CACNA2D3: variants seen among roughly 807,000 people sequenced by gnomAD.
The protein encoded by CACNA2D3 is voltage-dependent calcium channel subunit alpha-2/delta-3.
In CACNA2D3, 60 loss-of-function variants were observed where a neutral mutation model predicts 160.6. The observed-to-expected ratio is 0.37, with a 90% CI of 0.30 to 0.46. The LOEUF (loss-of-function observed/expected upper bound fraction) is 0.46, where lower values mean the gene tolerates loss of function less well. Among genes scored for constraint, CACNA2D3 ranks in the 20% least tolerant of loss-of-function variants. The pLI is 1.00. For synonymous variants in CACNA2D3, 558 were observed against 492.9 expected (o/e 1.13, Z -1.75); for missense variants, 1,205 against 1,365.0 (o/e 0.88, Z 1.85).
intron 2 of CACNA2D3, among the ~76,000 whole-genome samples, chr3:54,260,935 C>T (rs954270573): frequency 6.6e-6 from 1 of 152,186 alleles, no homozygotes; most frequent in African/African-American, 2.4e-5. Context: ...CTCATTTCCT[C>T]CAGTTCAGCT....
At chr3:54,626,423 A>G (rs1699104384) in intron 9 of CACNA2D3, 7 of 1,585,038 alleles carry the variant, frequency 4.4e-6, no homozygotes, top group African/African-American at 2.7e-5. Context: ...CTGCCCATGG[A>G]GAAGCCGGAA....
At chr3:54,859,865 G>A (rs1213335385) in intron 17 of CACNA2D3, among the ~76,000 whole-genome samples, 1 of 151,954 alleles carries the variant, frequency 6.6e-6, no homozygotes, top group Non-Finnish European at 1.5e-5. Flanking sequence ...TGAATCCAAT[G>A]ACTATAATAC....
chr3:54,660,174 T>C (rs1477100761), intron 11 of CACNA2D3, among the ~76,000 whole-genome samples: 4 of 151,556 alleles, frequency 2.6e-5, no homozygotes, highest in Admixed American at 2.0e-4. Context: ...TTTTTTTTTA[T>C]TTTTGAGACA....
intron 13 of CACNA2D3, among the ~76,000 whole-genome samples, chr3:54,811,532 C>G (rs959486538): frequency 7.6e-6 from 1 of 130,798 alleles, no homozygotes; most frequent in Admixed American, 9.1e-5. Flanking sequence ...GCATCTCACT[C>G]TGTCACCCAG....
At chr3:54,133,495 C>G (rs1559857405) in intron 2 of CACNA2D3, among the ~76,000 whole-genome samples, 1 of 152,162 alleles carries the variant, frequency 6.6e-6, no homozygotes, top group Non-Finnish European at 1.5e-5. Context: ...GTGGTATTGG[C>G]TCATCAGAGC....
chr3:54,988,665 C>T (rs1294245396), intron 31 of CACNA2D3, among the ~76,000 whole-genome samples: 2 of 152,346 alleles, frequency 1.3e-5, no homozygotes, highest in Non-Finnish European at 2.9e-5. Context: ...TACTCTTCTG[C>T]GGCTGAATGG....
chr3:55,051,395 G>A (rs1198550395), intron 35 of CACNA2D3, among the ~76,000 whole-genome samples: 1 of 151,092 alleles, frequency 6.6e-6, no homozygotes, highest in Middle Eastern at 3.4e-3. Flanking sequence ...TGCTGGGGGG[G>A]TGCCTCCCAG....
At chr3:54,695,311 C>T (rs1473034768) in intron 11 of CACNA2D3, among the ~76,000 whole-genome samples, 1 of 152,108 alleles carries the variant, frequency 6.6e-6, no homozygotes, top group African/African-American at 2.4e-5. Context: ...AGCCACCACA[C>T]CTGGCTGAAA....
At chr3:54,898,404 G>GTA (rs1700249681) in intron 26 of CACNA2D3, among the ~76,000 whole-genome samples, 1 of 151,902 alleles carries the variant, frequency 6.6e-6, no homozygotes, top group South Asian at 2.1e-4. Context: ...TGTATTTTTA[G>GTA]TAGAGTTGGG....
chr3:54,469,847 T>C (rs1421348571), intron 4 of CACNA2D3, among the ~76,000 whole-genome samples: 1 of 151,854 alleles, frequency 6.6e-6, no homozygotes, highest in Non-Finnish European at 1.5e-5. Context: ...GAAGATCAAC[T>C]TAATGAGATA....
intron 3 of CACNA2D3, among the ~76,000 whole-genome samples, chr3:54,337,653 A>G (rs574595899): frequency 3.3e-5 from 5 of 152,060 alleles, no homozygotes; most frequent in Non-Finnish European, 7.4e-5. Context: ...ACTTGATTTC[A>G]TGCCTCTAAA....
intron 34 of CACNA2D3, among the ~76,000 whole-genome samples, chr3:55,010,539 CAT>C (rs1326994739): frequency 1.3e-5 from 2 of 152,210 alleles, no homozygotes; most frequent in Non-Finnish European, 2.9e-5. Context: ...CCTGCCCACT[CAT>C]GTGCTATTTC....
At chr3:54,900,212 A>G (rs1278005441) in intron 27 of CACNA2D3, among the ~76,000 whole-genome samples, 1 of 152,214 alleles carries the variant, frequency 6.6e-6, no homozygotes, top group African/African-American at 2.4e-5. Flanking sequence ...TTAGGATGAC[A>G]GTGGGCATAC....
chr3:54,435,272 G>A (rs549277495), intron 4 of CACNA2D3, among the ~76,000 whole-genome samples: 27 of 152,232 alleles, frequency 1.8e-4, no homozygotes, highest in African/African-American at 6.0e-4. Flanking sequence ...AGCAACTTTC[G>A]TATGCATTCT....
At chr3:54,213,978 C>G (rs1241267086) in intron 2 of CACNA2D3, among the ~76,000 whole-genome samples, 1 of 152,062 alleles carries the variant, frequency 6.6e-6, no homozygotes. Flanking sequence ...CTGGGTCAAC[C>G]CTACTGTAGT....
At chr3:54,765,609 A>T (rs1298252257) in intron 13 of CACNA2D3, among the ~76,000 whole-genome samples, 1 of 152,166 alleles carries the variant, frequency 6.6e-6, no homozygotes, top group African/African-American at 2.4e-5. Flanking sequence ...AGGAGTGAGG[A>T]GGAGGAGGAG....
At chr3:54,176,190 G>T (rs1223898636) in intron 2 of CACNA2D3, among the ~76,000 whole-genome samples, 2 of 152,194 alleles carry the variant, frequency 1.3e-5, no homozygotes, top group Non-Finnish European at 2.9e-5. Context: ...TGTTACACTG[G>T]CTGTGGAGTT....
At chr3:54,208,146 C>T (rs1410839199) in intron 2 of CACNA2D3, among the ~76,000 whole-genome samples, 4 of 152,186 alleles carry the variant, frequency 2.6e-5, no homozygotes, top group Admixed American at 2.0e-4. Flanking sequence ...GCTCTTGTTG[C>T]CCAGGCTGGA....
intron 27 of CACNA2D3, among the ~76,000 whole-genome samples, chr3:54,940,863 C>T (rs1701448392): frequency 6.6e-6 from 1 of 152,082 alleles, no homozygotes; most frequent in South Asian, 2.1e-4. Flanking sequence ...GTTCACCTCC[C>T]TAGCAGGGAG....
Sources: gnomAD v4.1 joint callset for allele counts (sites outside exome capture counted in the v4.1 genomes callset) on GRCh38, gnomAD v4.1.1 for gene constraint, MANE v1.5 for transcripts, NCBI Gene and HGNC (gene_info 2026-07-23, HGNC 2026-07-21) for gene names.